ABCC10: variants seen among roughly 807,000 people sequenced by gnomAD.
ABCC10 encodes ATP binding cassette subfamily C member 10, also known as ATP-binding cassette sub-family C member 10.
ABCC10 carries 110 observed loss-of-function variants against 143.2 expected under a neutral mutation model. The observed-to-expected ratio is 0.77, with a 90% CI of 0.66 to 0.90. ABCC10 has a LOEUF of 0.90. ABCC10 is among the 40% of genes least tolerant of loss of function. ABCC10 has a pLI of 0.00. For synonymous variants in ABCC10, 805 were observed against 846.7 expected, an observed-to-expected ratio of 0.95 and a Z score of 0.85; for missense variants, 1,700 against 1,900.5, an observed-to-expected ratio of 0.89 and a Z score of 1.96.
At chr6:43,450,489 T>G, downstream of ABCC10, 1 of 1,516,728 alleles carries the variant, frequency 6.6e-7, no homozygotes, top group Non-Finnish European at 8.8e-7. The surrounding 1 kb of genome is among the most constrained non-coding windows in gnomAD (Gnocchi z 4.5). Flanking sequence ...ACCACTCCAG[T>G]CTGAGGGGTG....
At chr6:43,445,001 G>A in intron 13 of ABCC10, 63 bp downstream of exon 13, 1 of 1,582,572 alleles carries the variant, frequency 6.3e-7, no homozygotes, top group South Asian at 1.2e-5. Context: ...CAGGGAGTGA[G>A]GGTTGTGGCC....
At position 43,449,205 on chromosome 6, in the gene ABCC10, G is replaced by GT; in HGVS notation, c.4203+2dup. The GT allele has an allele frequency of 6.2e-7, 1 of 1,613,844 alleles. No homozygotes were observed. On this transcript the variant is annotated splice_donor_variant, in intron 20 of 21. Transcript: ENST00000372530. LOFTEE classifies it high-confidence loss of function. ...CAGGGCTCTCCTCACAGATGCCAAG[G>GT]TAAGGTGAGAGAAAGAGACATTAGA...
intron 5 of ABCC10, 80 bp from the exon 6 acceptor site, chr6:43,436,058 G>A (rs1781668646): frequency 1.2e-6 from 2 of 1,607,336 alleles, no homozygotes; most frequent in East Asian, 2.2e-5. Flanking sequence ...TATGGGGCTG[G>A]CAAGTGAATT....
rs144687176 is a variant in ABCC10 at position 43,444,810 on chromosome 6, G to A, written c.2712G>A (p.Trp904Ter). ...LMQATRNAAD[W>*]WLSHWISQLK... ...CAGCCACGCGGAACGCTGCTGACTG[G>A]TGGCTCTCCCACTGGATCTCTCAGC... Residue 904 changes from tryptophan (W) to a stop codon, truncating the protein, a stop_gained, in exon 13 of 22, where the codon TGG (tryptophan) becomes TGA (stop). Coordinates refer to ENST00000372530, the MANE Select transcript of ABCC10 (RefSeq NM_001198934.2). LOFTEE classifies it high-confidence loss of function. 1 of 1,608,268 alleles carries A rather than the reference G, an allele frequency of 6.2e-7. No homozygotes were observed. Among genetic ancestry groups the A allele is most frequent in the Non-Finnish European group, 8.5e-7 (1 of 1,177,440 alleles).
At chr6:43,434,465 T>TA (rs1473163420) in intron 3 of ABCC10, 156 bp from the exon 4 acceptor site, 4 of 689,448 alleles carry the variant, frequency 5.8e-6, no homozygotes, top group Non-Finnish European at 9.9e-6. Context: ...TTCCAGAAAG[T>TA]ACTGAGGTGA....
At chr6:43,433,736 C>A (rs1479235424) in intron 3 of ABCC10, among the ~76,000 whole-genome samples, 2 of 152,198 alleles carry the variant, frequency 1.3e-5, no homozygotes, top group Non-Finnish European at 2.9e-5. Context: ...GTCTTTAGGG[C>A]CAGAGCTGGG....
At chr6:43,439,389 T>G (rs1782086295) in intron 8 of ABCC10, among the ~76,000 whole-genome samples, 2 of 135,896 alleles carry the variant, frequency 1.5e-5, no homozygotes. Flanking sequence ...TTTTTATTAC[T>G]TTTTTAAAAT....
Position 43,441,907 on chromosome 6 carries a change from AC to A in ABCC10, c.2176del (p.Ser727AlafsTer47). 2 of 1,613,844 alleles carry A rather than the reference AC, an allele frequency of 1.2e-6. No homozygotes were observed. The highest frequency in any genetic ancestry group is 1.7e-6 in the Non-Finnish European group (2 of 1,179,878). On this transcript the variant is annotated frameshift_variant, in exon 9 of 22. Transcript: ENST00000372530. LOFTEE classifies it high-confidence loss of function. ...GACAGAGGTGGGGGAGAAGGGTGTC[AC>A]CCTTAGCGGAGGACAGCGTGCCCGG... ...DQTEVGEKGV[T>X]LSGGQRARIA...
chr6:43,448,446 G>T (rs1020202021), intron 18 of ABCC10, among the ~76,000 whole-genome samples: 1 of 152,160 alleles, frequency 6.6e-6, no homozygotes, highest in Non-Finnish European at 1.5e-5. Context: ...TCTAAGCTGT[G>T]GTGGCCCTAC....
chr6:43,438,910 T>C (rs551915778), intron 8 of ABCC10, 115 bp downstream of exon 8: 1 of 1,282,764 alleles, frequency 7.8e-7, no homozygotes, highest in East Asian at 2.3e-5. Context: ...GCATCACTTA[T>C]CTAGGAATGG....
intron 2 of ABCC10, among the ~76,000 whole-genome samples, chr6:43,428,971 C>A (rs1780798393): frequency 1.3e-5 from 2 of 152,176 alleles, no homozygotes; most frequent in South Asian, 4.1e-4. Flanking sequence ...AATCAGGATT[C>A]CTCCCAGACC....
intron 3 of ABCC10, among the ~76,000 whole-genome samples, chr6:43,433,846 G>C (rs546058910): frequency 1.3e-5 from 2 of 152,336 alleles, no homozygotes; most frequent in Non-Finnish European, 2.9e-5. Context: ...AGGCTGAGGG[G>C]AAGGGAATAG....
In ABCC10 at chr6:43,441,507, T is replaced by C. The variant is rs1782471022; in HGVS notation, c.2128-355T>C. Among the ~76,000 whole-genome samples, 2 of 151,796 alleles carry C rather than the reference T, an allele frequency of 1.3e-5. 1 individual carries two copies. Among genetic ancestry groups the C allele is most frequent in the South Asian group, 4.1e-4 (2 of 4,824 alleles). On this transcript the variant is annotated intron_variant, in intron 8 of 21. Transcript: ENST00000372530. ...AAAAAGGGTAGTAAATGTAACAAAG[T>C]AGTTAAGAATCTGAATCTGAACTTG...
At chr6:43,447,488 C>T (rs1240710040) in intron 17 of ABCC10, 80 bp downstream of exon 17, 39 of 1,562,364 alleles carry the variant, frequency 2.5e-5, no homozygotes, top group Middle Eastern at 4.2e-4. Flanking sequence ...TTTCTTTTTG[C>T]CCACCCATCT....
chr6:43,438,288 G>A (rs1781969950), intron 7 of ABCC10: 2 of 1,302,132 alleles, frequency 1.5e-6, no homozygotes, highest in Non-Finnish European at 2.0e-6. Context: ...GCTGTGCAGA[G>A]AAGGGATCCA....
chr6:43,431,250 C>T (rs911718675), intron 2 of ABCC10, among the ~76,000 whole-genome samples: 3 of 152,044 alleles, frequency 2.0e-5, no homozygotes, highest in Non-Finnish European at 4.4e-5. Context: ...TATGTAAGTC[C>T]GATTTTTATT....
intron 8 of ABCC10, among the ~76,000 whole-genome samples, chr6:43,441,618 C>T (rs1782481252): frequency 6.6e-6 from 1 of 152,240 alleles, no homozygotes; most frequent in African/African-American, 2.4e-5. Context: ...ATACCATCTT[C>T]ATAAGATTAC....
Position 43,449,443 on chromosome 6 carries a change from A to G in ABCC10, c.4225A>G (p.Thr1409Ala). ...CCAGATCCTGTGTATCGATGAGGCC[A>G]CAGCAAGTGTGGACCAGAAGACAGA... ...DAKILCIDEA[T>A]ASVDQKTDQL... The change falls in exon 21 of 22, where the codon ACA becomes GCA. Residue 1409 changes from threonine to alanine, a missense_variant. By Grantham distance (58) the Thr-to-Ala change is moderately conservative. Transcript: ENST00000372530. The G allele has an allele frequency of 6.2e-7, 1 of 1,613,616 alleles. No individual in the cohort carries two copies. The highest frequency in any genetic ancestry group is 8.5e-7 in the Non-Finnish European group (1 of 1,179,794).
At chr6:43,445,094 G>T (rs777255815) in intron 13 of ABCC10, 31 bp from the exon 14 acceptor site, 1 of 1,610,332 alleles carries the variant, frequency 6.2e-7, no homozygotes, top group Admixed American at 1.7e-5. Context: ...CCCTAGTTTT[G>T]GTTACCGACA....
Sources: allele counts gnomAD v4.1 joint callset (sites outside exome capture counted in the v4.1 genomes callset), GRCh38; gene constraint gnomAD v4.1.1; non-coding constraint Gnocchi (gnomAD v3.1); transcripts MANE v1.5; gene names NCBI Gene and HGNC (gene_info 2026-07-23, HGNC 2026-07-21).